Variants in SNX29 observed in about 807,000 individuals in gnomAD.
SNX29 encodes sorting nexin-29.
SNX29 carries 78 observed loss-of-function variants against 102.1 expected under a neutral mutation model. The observed-to-expected ratio is 0.76, with a 90% CI of 0.64 to 0.92. The LOEUF is 0.92. Ranked by LOEUF, SNX29 falls within the 40% of genes least tolerant of loss-of-function variation. SNX29 has a pLI of 0.00. For synonymous variants in SNX29, 580 were observed against 414.5 expected (o/e 1.40, Z -4.85); for missense variants, 1,280 against 1,061.7 (o/e 1.21, Z -2.86).
intron 16 of SNX29, among the ~76,000 whole-genome samples, chr16:12,385,035 C>G (rs535645432): frequency 6.6e-6 from 1 of 152,150 alleles, no homozygotes; most frequent in African/African-American, 2.4e-5. Context: ...CTGGGCATGG[C>G]GGCGCACGCC....
intron 15 of SNX29, among the ~76,000 whole-genome samples, chr16:12,349,146 C>T (rs909902155): frequency 3.3e-5 from 5 of 152,334 alleles, no homozygotes; most frequent in Middle Eastern, 3.4e-3. Flanking sequence ...ACTTGCCCCC[C>T]GCCAAGCCTA....
intron 14 of SNX29, among the ~76,000 whole-genome samples, chr16:12,213,251 C>T (rs1282614895): frequency 1.3e-5 from 2 of 152,176 alleles, no homozygotes; most frequent in African/African-American, 4.8e-5. Flanking sequence ...ATAGCACATC[C>T]TCTAACTTAG....
intron 14 of SNX29, among the ~76,000 whole-genome samples, chr16:12,253,821 G>T (rs987851223): frequency 6.6e-6 from 1 of 152,178 alleles, no homozygotes; most frequent in African/African-American, 2.4e-5. Flanking sequence ...TTGCTGTGTG[G>T]AGACTGGAGT....
At chr16:12,565,425 C>G (rs377500322) in intron 20 of SNX29, among the ~76,000 whole-genome samples, 1 of 139,268 alleles carries the variant, frequency 7.2e-6, no homozygotes, top group African/African-American at 2.9e-5. Flanking sequence ...GAAGCCCATC[C>G]TCCCGTGGCC....
chr16:12,231,098 C>A (rs2077756421), intron 14 of SNX29, among the ~76,000 whole-genome samples: 1 of 152,124 alleles, frequency 6.6e-6, no homozygotes, highest in South Asian at 2.1e-4. Flanking sequence ...GGTGATCCTC[C>A]CACCTCGGCC....
chr16:12,003,208 C>G (rs553661348), intron 3 of SNX29, among the ~76,000 whole-genome samples, 165 bp downstream of exon 3: 8 of 152,308 alleles, frequency 5.3e-5, no homozygotes, highest in Middle Eastern at 3.4e-3. Context: ...AAATTTGACT[C>G]AACCGTGGAC....
At chr16:11,983,622 A>C (rs2150963538) in intron 1 of SNX29, 1 of 985,176 alleles carries the variant, frequency 1.0e-6, no homozygotes, top group East Asian at 1.1e-4. Context: ...ACCATCAGCA[A>C]ACAGTTGACC....
intron 9 of SNX29, among the ~76,000 whole-genome samples, chr16:12,062,166 G>A (rs1011250570): frequency 6.6e-6 from 1 of 151,932 alleles, no homozygotes; most frequent in Non-Finnish European, 1.5e-5. Context: ...ATCACCTGAG[G>A]TCAGGAGTTT....
intron 4 of SNX29, among the ~76,000 whole-genome samples, chr16:12,035,957 C>T (rs1192746823): frequency 6.6e-6 from 1 of 152,190 alleles, no homozygotes; most frequent in Non-Finnish European, 1.5e-5. Context: ...TCCTCTGGGA[C>T]AGCGAGTTCA....
intron 16 of SNX29, among the ~76,000 whole-genome samples, chr16:12,373,395 G>T (rs753676070): frequency 1.3e-5 from 2 of 152,146 alleles, no homozygotes; most frequent in African/African-American, 4.8e-5. Flanking sequence ...CTCCCATAGT[G>T]CTGGGATTAC....
intron 20 of SNX29, among the ~76,000 whole-genome samples, chr16:12,541,070 T>TG (rs1454218196): frequency 1.3e-5 from 2 of 152,280 alleles, no homozygotes; most frequent in African/African-American, 2.4e-5. Context: ...CCTGAGTTAT[T>TG]GACTAGCTGC....
rs113542382 is a variant in SNX29 at position 12,264,767 on chromosome 16, C to CA, written c.1679-13152dup. Among the ~76,000 whole-genome samples the CA allele has an allele frequency of 6.0e-3, 684 of 113,806 alleles. 2 individuals carry two copies. Among genetic ancestry groups the CA allele is most frequent in the Middle Eastern group, 0.034 (8 of 232 alleles). The allele number at this position is 113,806 out of a possible 152,430, so 74.7% of individuals were successfully genotyped here. A position where few individuals can be genotyped will look rare whatever the true frequency, so the allele number is the denominator to read the frequency against. ...ACTGCACTCCAACGAGACTCTGTTT[C>CA]AAAAAAAAAAAAAAGCTTCACAGGT... is the stretch of plus-strand genomic sequence containing the variant. On this transcript the variant is annotated intron_variant, in intron 14 of 20. Transcript: ENST00000566228.
At chr16:12,291,385 A>C (rs1202346418) in intron 15 of SNX29, among the ~76,000 whole-genome samples, 1 of 152,076 alleles carries the variant, frequency 6.6e-6, no homozygotes, top group Non-Finnish European at 1.5e-5. Flanking sequence ...ATCTCGTGAG[A>C]CTTGCTCACT....
Position 12,515,164 on chromosome 16 carries a change from T to A in SNX29, c.2179-9538T>A, listed in dbSNP as rs78944397. Among the ~76,000 whole-genome samples the A allele has an allele frequency of 5.4e-4, 82 of 152,272 alleles. No individual in the cohort carries two copies. The East Asian group carries it at 0.015, about 28-fold the overall frequency. ...TAACCCCCATTCAGATCAGGCACCC[T>A]GTCCTCATTCTCCCCTATGGAAGAC... is the stretch of plus-strand genomic sequence containing the variant. On this transcript the variant is annotated intron_variant, in intron 19 of 20. Coordinates refer to ENST00000566228, the MANE Select transcript of SNX29 (RefSeq NM_032167.5).
chr16:12,517,268 C>A (rs1204865334), intron 19 of SNX29, among the ~76,000 whole-genome samples: 1 of 152,180 alleles, frequency 6.6e-6, no homozygotes, highest in Non-Finnish European at 1.5e-5. Flanking sequence ...AGGAGCCCAA[C>A]CAGAAAACTC....
At chr16:12,013,294 G>A (rs2056716042) in intron 3 of SNX29, among the ~76,000 whole-genome samples, 2 of 150,910 alleles carry the variant, frequency 1.3e-5, no homozygotes, top group African/African-American at 2.4e-5. Context: ...TAAAGCAACA[G>A]TGAGCTGCCT....
chr16:12,564,941 A>G (rs1567215131), intron 20 of SNX29, among the ~76,000 whole-genome samples: 1 of 83,882 alleles, frequency 1.2e-5, no homozygotes, highest in South Asian at 3.5e-4. Flanking sequence ...TGTTAAAAAA[A>G]AAAAAAAAAA....
chr16:12,118,485 G>A (rs2053834548), intron 11 of SNX29, among the ~76,000 whole-genome samples: 1 of 151,322 alleles, frequency 6.6e-6, no homozygotes, highest in Non-Finnish European at 1.5e-5. Flanking sequence ...ATGCCCGGCT[G>A]ATTTTTGTGT....
chr16:12,239,409 G>A (rs962349186), intron 14 of SNX29, among the ~76,000 whole-genome samples: 5 of 152,072 alleles, frequency 3.3e-5, no homozygotes, highest in African/African-American at 9.7e-5. Context: ...CTACTGGACC[G>A]TGAACTCCTT....
Sources: gnomAD v4.1 joint callset for allele counts (sites outside exome capture counted in the v4.1 genomes callset) on GRCh38, gnomAD v4.1.1 for gene constraint, MANE v1.5 for transcripts, NCBI Gene and HGNC (gene_info 2026-07-23, HGNC 2026-07-21) for gene names.